SPIRE1: variants seen among roughly 807,000 people sequenced by gnomAD.
SPIRE1 encodes spire type actin nucleation factor 1.
In SPIRE1, 40 loss-of-function variants were observed where a neutral mutation model predicts 94.1. The ratio of observed to expected loss-of-function variants is 0.43; its 90% CI spans 0.33 to 0.55. SPIRE1 has a LOEUF of 0.55. SPIRE1 is among the 20% of genes least tolerant of loss of function. The pLI is 0.06. For synonymous variants in SPIRE1, 376 were observed against 371.7 expected (o/e 1.01, Z -0.13); for missense variants, 838 against 975.2 (o/e 0.86, Z 1.87).
intron 2 of SPIRE1, chr18:12,588,490 G>T (rs2036445555): frequency 6.7e-6 from 1 of 150,374 alleles, no homozygotes; most frequent in South Asian, 2.1e-4. Context: ...ACCAAATATT[G>T]TTTCTTTCAA....
intron 7 of SPIRE1, among the ~76,000 whole-genome samples, chr18:12,495,665 G>A (rs556530595): frequency 6.8e-4 from 103 of 152,288 alleles, no homozygotes; most frequent in Middle Eastern, 3.4e-3. Flanking sequence ...GAAGTGGGAG[G>A]ACTGCTTGAG....
intron 1 of SPIRE1, among the ~76,000 whole-genome samples, chr18:12,655,162 G>A (rs2038503630): frequency 6.6e-6 from 1 of 151,374 alleles, no homozygotes. Flanking sequence ...AGGCTGCAAT[G>A]AGCTATGACT....
At chr18:12,546,985 A>ATGATTT (rs1276584159) in intron 2 of SPIRE1, 81 bp from the exon 3 acceptor site, 1 of 958,068 alleles carries the variant, frequency 1.0e-6, no homozygotes, top group Non-Finnish European at 1.6e-6. Context: ...GATGTTTAGT[A>ATGATTT]TGATTTTTTC....
intron 8 of SPIRE1, 112 bp downstream of exon 8, chr18:12,492,960 T>C (rs1380892872): frequency 1.6e-6 from 2 of 1,256,304 alleles, no homozygotes; most frequent in Non-Finnish European, 2.2e-6. Flanking sequence ...GTGAGTGAGA[T>C]ACAGAGAAAT....
chr18:12,450,861 A>C (rs1009058406), intron 16 of SPIRE1: 1 of 734,610 alleles, frequency 1.4e-6, no homozygotes, highest in African/African-American at 1.7e-5. Context: ...AGTGAAAAGC[A>C]GCCTTACACC....
intron 2 of SPIRE1, among the ~76,000 whole-genome samples, chr18:12,583,161 T>G (rs550239616): frequency 2.9e-4 from 44 of 152,186 alleles, no homozygotes; most frequent in African/African-American, 1.0e-3. Flanking sequence ...TCCAAAGATA[T>G]CAGAAATCAT....
intron 2 of SPIRE1, among the ~76,000 whole-genome samples, chr18:12,553,157 G>A (rs2035404444): frequency 6.6e-6 from 1 of 152,184 alleles, no homozygotes; most frequent in Non-Finnish European, 1.5e-5. Flanking sequence ...CCGCTGTGGT[G>A]GCTAAGGTGA....
intron 1 of SPIRE1, among the ~76,000 whole-genome samples, chr18:12,644,757 C>T (rs2038177411): frequency 6.6e-6 from 1 of 152,156 alleles, no homozygotes; most frequent in Non-Finnish European, 1.5e-5. Flanking sequence ...TTTAGAACTT[C>T]TTTATCAATC....
intron 2 of SPIRE1, 34 bp from the exon 3 acceptor site, chr18:12,546,938 G>A (rs192583859): frequency 6.8e-7 from 1 of 1,470,008 alleles, no homozygotes; most frequent in Admixed American, 1.9e-5. Context: ...TAATGGAGAT[G>A]AATGAAGAGC....
At chr18:12,622,471 G>C (rs909574251) in intron 2 of SPIRE1, among the ~76,000 whole-genome samples, 2 of 137,498 alleles carry the variant, frequency 1.5e-5, no homozygotes, top group African/African-American at 5.3e-5. Flanking sequence ...CGCCCAGGCT[G>C]GAGTGCAGTG....
chr18:12,487,135 A>C (rs1394706250), intron 8 of SPIRE1, among the ~76,000 whole-genome samples: 3 of 152,066 alleles, frequency 2.0e-5, no homozygotes, highest in Non-Finnish European at 2.9e-5. Context: ...TTACAGGCAT[A>C]AGCCACCATG....
Position 12,635,096 on chromosome 18 carries a change from C to G in SPIRE1, c.338G>C (p.Gly113Ala). 2.2e-6 allele frequency: 3 copies of G among 1,393,914 alleles called. No homozygotes were observed. Among genetic ancestry groups the G allele is most frequent in the Non-Finnish European group, 3.0e-6 (3 of 1,014,826 alleles). 86.3% of individuals were successfully genotyped at this position (1,393,914 alleles called of 1,614,324 possible). ...CATACATTGTGAATATCCCAATTTACCTGTAATAAAAATGAAAAGGATTAC... is the reference window on the plus strand; with the variant it reads ...CATACATTGTGAATATCCCAATTTAGCTGTAATAAAAATGAAAAGGATTAC... Reference protein sequence around the residue: ...DDAGEPPPVAGKLGYSQCMET... With the variant: ...DDAGEPPPVAAKLGYSQCMET... Residue 113 changes from glycine to alanine, a missense_variant and splice_region_variant, in exon 2 of 17, where the codon GGT (glycine) becomes GCT (alanine). Gly to Ala is a moderately conservative substitution (Grantham distance 60). This residue lies in a region of SPIRE1 where 645 missense variants were observed against 804.7 expected (regional missense o/e 0.80). Transcript: ENST00000409402.
chr18:12,556,711 C>T (rs1265820527), intron 2 of SPIRE1, among the ~76,000 whole-genome samples: 2 of 152,138 alleles, frequency 1.3e-5, no homozygotes, highest in Non-Finnish European at 2.9e-5. Context: ...CCGCTGGGTT[C>T]ATGGTCTTGC....
At chr18:12,602,061 G>A (rs2036848452) in intron 2 of SPIRE1, among the ~76,000 whole-genome samples, 2 of 152,042 alleles carry the variant, frequency 1.3e-5, no homozygotes, top group Admixed American at 6.6e-5. Flanking sequence ...CTTTCACAGT[G>A]TGTGCGCATG....
chr18:12,541,319 G>A (rs1268333291), intron 3 of SPIRE1, among the ~76,000 whole-genome samples: 1 of 152,114 alleles, frequency 6.6e-6, no homozygotes, highest in Non-Finnish European at 1.5e-5. Flanking sequence ...ACTCTGCAGT[G>A]GGTGGGTGGC....
Position 12,504,417 on chromosome 18 carries a change from G to T in SPIRE1, c.972+2060C>A, listed in dbSNP as rs543700236. Among the ~76,000 whole-genome samples the T allele has an allele frequency of 2.3e-3, 349 of 152,030 alleles. 6 individuals are homozygous for T. The highest frequency in any genetic ancestry group is 0.014 in the South Asian group (69 of 4,820). ...AGCTACTTGGGAGGCTGAGGCACGA[G>T]AATCACTTGAACCTGGGAGGTGGAG... On this transcript the variant is annotated intron_variant, in intron 6 of 16. Transcript: ENST00000409402.
intron 2 of SPIRE1, among the ~76,000 whole-genome samples, chr18:12,624,537 TGA>T (rs1555633721): frequency 3.0e-5 from 3 of 99,522 alleles, no homozygotes; most frequent in Non-Finnish European, 4.0e-5. Context: ...AGCAAGACAC[TGA>T]CTCAAAAAAA....
intron 1 of SPIRE1, among the ~76,000 whole-genome samples, chr18:12,640,452 C>T (rs563679775): frequency 5.3e-4 from 81 of 152,300 alleles, no homozygotes; most frequent in African/African-American, 1.8e-3. Context: ...TATTTATTCA[C>T]CACCTACTAA....
intron 1 of SPIRE1, among the ~76,000 whole-genome samples, chr18:12,650,976 A>C (rs2038364455): frequency 6.6e-6 from 1 of 151,882 alleles, no homozygotes; most frequent in Non-Finnish European, 1.5e-5. Context: ...GGCTCCTCCC[A>C]CTCACTTAGA....
Sources: allele counts gnomAD v4.1 joint callset (sites outside exome capture counted in the v4.1 genomes callset), GRCh38; gene constraint gnomAD v4.1.1; regional missense constraint gnomAD v4.1.1; transcripts MANE v1.5; gene names NCBI Gene and HGNC (gene_info 2026-07-23, HGNC 2026-07-21).